Variants in SMIM3 observed in about 807,000 individuals in gnomAD.
SMIM3 encodes the protein small integral membrane protein 3.
Under a neutral mutation model 2.1 loss-of-function variants are expected in SMIM3, and 4 were observed. The ratio of observed to expected loss-of-function variants is 1.89; its 90% CI spans 0.93 to 4.31. SMIM3 has a LOEUF of 4.31. Among genes scored for constraint, SMIM3 ranks in the 30% most tolerant of loss-of-function variants. The pLI is 0.01. For missense variants in SMIM3, 79 were observed against 77.7 expected (o/e 1.02, Z -0.06); for synonymous variants, 29 against 30.8 (o/e 0.94, Z 0.19).
chr5:150,795,780 C>A lies in SMIM3; in HGVS notation c.*157C>A, dbSNP rs905726518. Reference sequence around the variant, plus strand: ...CAGCTGTGTGAATTTGGTCAAGGGACCTAACTCTCTGAGTTCCAGGTTCCT... The same window carrying A: ...CAGCTGTGTGAATTTGGTCAAGGGAACTAACTCTCTGAGTTCCAGGTTCCT... On this transcript the variant is annotated 3_prime_UTR_variant, in exon 2 of 2. Coordinates refer to ENST00000526627, the MANE Select transcript of SMIM3 (RefSeq NM_032947.5). 8 of 755,960 alleles carry A rather than the reference C, an allele frequency of 1.1e-5. No individual in the cohort carries two copies. Among genetic ancestry groups the A allele is most frequent in the African/African-American group, 1.8e-5 (1 of 56,610 alleles). 46.8% of individuals were successfully genotyped at this position (755,960 alleles called of 1,614,324 possible). A position where few individuals can be genotyped will look rare whatever the true frequency, so the allele number is the denominator to read the frequency against.
At chr5:150,792,183 G>A (rs1403839371) in intron 1 of SMIM3, among the ~76,000 whole-genome samples, 6 of 152,236 alleles carry the variant, frequency 3.9e-5, no homozygotes, top group Non-Finnish European at 8.8e-5. Flanking sequence ...TTAGTGATTA[G>A]ATAAGAATAG....
chr5:150,792,825 A>G (rs1408240631), intron 1 of SMIM3, among the ~76,000 whole-genome samples: 1 of 152,224 alleles, frequency 6.6e-6, no homozygotes, highest in African/African-American at 2.4e-5. Flanking sequence ...TATAGGCGTG[A>G]GCCATTGCAC....
At chr5:150,794,699 C>T (rs2113208532) in intron 1 of SMIM3, among the ~76,000 whole-genome samples, 1 of 152,244 alleles carries the variant, frequency 6.6e-6, no homozygotes, top group South Asian at 2.1e-4. Context: ...CTACAAATAG[C>T]TGTTTCCAAT....
At chr5:150,790,420 G>A (rs1009486700) in intron 1 of SMIM3, among the ~76,000 whole-genome samples, 5 of 152,114 alleles carry the variant, frequency 3.3e-5, no homozygotes, top group Non-Finnish European at 7.4e-5. Flanking sequence ...TCCCGCCCCC[G>A]GTCCTCTAAC....
At chr5:150,784,250 C>T (rs911238699) in intron 1 of SMIM3, among the ~76,000 whole-genome samples, 4 of 152,110 alleles carry the variant, frequency 2.6e-5, no homozygotes, top group Non-Finnish European at 5.9e-5. Flanking sequence ...TGCGCATTAG[C>T]TCATTTAACC....
chr5:150,785,463 T>C (rs1414343399), intron 1 of SMIM3, among the ~76,000 whole-genome samples: 1 of 152,234 alleles, frequency 6.6e-6, no homozygotes. Context: ...CTGCTGTTTT[T>C]AAATTCCATT....
chr5:150,787,340 G>A (rs1478810389), intron 1 of SMIM3, among the ~76,000 whole-genome samples: 5 of 152,200 alleles, frequency 3.3e-5, no homozygotes, highest in Non-Finnish European at 5.9e-5. Flanking sequence ...GCTGTCTTCA[G>A]TAAAAGGACT....
chr5:150,787,330 G>C (rs867231968), intron 1 of SMIM3, among the ~76,000 whole-genome samples: 1 of 152,160 alleles, frequency 6.6e-6, no homozygotes, highest in Non-Finnish European at 1.5e-5. Context: ...CACTTTTCTA[G>C]CTGTCTTCAG....
intron 1 of SMIM3, among the ~76,000 whole-genome samples, chr5:150,792,372 C>T (rs1419807824): frequency 6.6e-6 from 1 of 152,152 alleles, no homozygotes; most frequent in Non-Finnish European, 1.5e-5. Context: ...AGTGAACTCA[C>T]TAGAAGGAGG....
intron 1 of SMIM3, among the ~76,000 whole-genome samples, chr5:150,784,653 G>A (rs1035297312): frequency 1.3e-5 from 2 of 152,064 alleles, no homozygotes; most frequent in African/African-American, 2.4e-5. Context: ...ATGGTTACAC[G>A]GTGTTTCATT....
chr5:150,792,948 A>C (rs1753363140), intron 1 of SMIM3, among the ~76,000 whole-genome samples: 1 of 152,180 alleles, frequency 6.6e-6, no homozygotes, highest in Admixed American at 6.5e-5. Flanking sequence ...AAAGTTTGAA[A>C]AGTTACACAG....
At chr5:150,788,288 C>T (rs1464805314) in intron 1 of SMIM3, among the ~76,000 whole-genome samples, 1 of 152,088 alleles carries the variant, frequency 6.6e-6, no homozygotes, top group African/African-American at 2.4e-5. Flanking sequence ...GGCAGTAGGG[C>T]TTCCCTTTGC....
chr5:150,790,703 G>A (rs1419837757), intron 1 of SMIM3, among the ~76,000 whole-genome samples: 1 of 152,172 alleles, frequency 6.6e-6, no homozygotes, highest in Admixed American at 6.5e-5. Flanking sequence ...GTTGAGTCCA[G>A]AGGTTCCCAA....
intron 1 of SMIM3, among the ~76,000 whole-genome samples, chr5:150,781,913 C>T (rs1192275730): frequency 3.3e-5 from 5 of 152,200 alleles, no homozygotes; most frequent in African/African-American, 1.2e-4. Context: ...TCTGCTAGCT[C>T]TCTGTTGGTT....
chr5:150,793,624 G>A (rs1034586655), intron 1 of SMIM3, among the ~76,000 whole-genome samples: 1 of 152,174 alleles, frequency 6.6e-6, no homozygotes, highest in African/African-American at 2.4e-5. Flanking sequence ...GTCACATGTA[G>A]CAGAACGAAA....
intron 1 of SMIM3, among the ~76,000 whole-genome samples, chr5:150,791,564 T>C (rs1753350088): frequency 6.6e-6 from 1 of 152,214 alleles, no homozygotes; most frequent in Non-Finnish European, 1.5e-5. Context: ...TGTTCATCTA[T>C]GTTGTCACAA....
Position 150,779,837 on chromosome 5 carries a change from C to T in SMIM3, c.-12+865C>T, listed in dbSNP as rs201206370. Among the ~76,000 whole-genome samples the T allele has an allele frequency of 9.4e-5, 10 of 105,942 alleles. 1 individual carries two copies. The East Asian group carries it at 1.3e-3, about 14-fold the overall frequency. 69.5% of individuals were successfully genotyped at this position (105,942 alleles called of 152,430 possible). A position where few individuals can be genotyped will look rare whatever the true frequency, so the allele number is the denominator to read the frequency against. ...AAAGGATGAAAGGTGTAACCCCCCC[C>T]GCCCCCCCCACAAATTGAAACAAAC... is the stretch of plus-strand genomic sequence containing the variant. On this transcript the variant is annotated intron_variant, in intron 1 of 1. Transcript: ENST00000526627.
chr5:150,787,614 G>T (rs1382697964), intron 1 of SMIM3, among the ~76,000 whole-genome samples: 2 of 152,150 alleles, frequency 1.3e-5, no homozygotes, highest in South Asian at 2.1e-4. Context: ...TTAGCTTTAT[G>T]ATCAATGGCT....
rs1190402590 is a variant in SMIM3 at position 150,795,911 on chromosome 5, C to G, written c.*288C>G. Reference sequence around the variant, plus strand: ...AGCTGTTTGTGATCAGTAAAGCTACCACAGATATAAGGGTGTTATGCTGAA... The same window carrying G: ...AGCTGTTTGTGATCAGTAAAGCTACGACAGATATAAGGGTGTTATGCTGAA... On this transcript the variant is annotated 3_prime_UTR_variant, in exon 2 of 2. Transcript: ENST00000526627. 1 of 429,808 alleles carries G rather than the reference C, an allele frequency of 2.3e-6. No individual in the cohort carries two copies. Among genetic ancestry groups the G allele is most frequent in the African/African-American group, 2.0e-5 (1 of 50,050 alleles). 26.6% of individuals were successfully genotyped at this position (429,808 alleles called of 1,614,324 possible). A position where few individuals can be genotyped will look rare whatever the true frequency, so the allele number is the denominator to read the frequency against.
Sources: allele counts gnomAD v4.1 joint callset (sites outside exome capture counted in the v4.1 genomes callset), GRCh38; gene constraint gnomAD v4.1.1; transcripts MANE v1.5; gene names NCBI Gene and HGNC (gene_info 2026-07-23, HGNC 2026-07-21).